Variants in ELP3 observed in about 807,000 individuals in gnomAD.
ELP3 encodes the protein elongator complex protein 3.
Under a neutral mutation model 74.9 loss-of-function variants are expected in ELP3, and 56 were observed. The observed-to-expected ratio is 0.75, with a 90% CI of 0.60 to 0.93. The LOEUF (loss-of-function observed/expected upper bound fraction) is 0.93. ELP3 is among the 40% of genes least tolerant of loss of function. ELP3 has a pLI of 0.00. For missense variants in ELP3, 573 were observed against 686.5 expected, an observed-to-expected ratio of 0.83 and a Z score of 1.85; for synonymous variants, 222 against 239.8, an observed-to-expected ratio of 0.93 and a Z score of 0.68.
intron 14 of ELP3, among the ~76,000 whole-genome samples, chr8:28,166,093 A>G (rs1319647829): frequency 6.6e-6 from 1 of 152,204 alleles, no homozygotes; most frequent in African/African-American, 2.4e-5. Context: ...GTTCAGTTTC[A>G]TCAGCATCAA....
At chr8:28,157,705 G>A (rs1214576465) in intron 11 of ELP3, among the ~76,000 whole-genome samples, 1 of 151,980 alleles carries the variant, frequency 6.6e-6, no homozygotes, top group Non-Finnish European at 1.5e-5. Flanking sequence ...TTCTATGGGG[G>A]GGAAATATAC....
At chr8:28,142,786 T>G (rs1813294803) in intron 10 of ELP3, among the ~76,000 whole-genome samples, 1 of 152,214 alleles carries the variant, frequency 6.6e-6, no homozygotes, top group Admixed American at 6.5e-5. Flanking sequence ...TATTTTCCAT[T>G]TTGTTTTCTT....
At chr8:28,183,601 T>A (rs1815109172) in intron 14 of ELP3, among the ~76,000 whole-genome samples, 1 of 152,104 alleles carries the variant, frequency 6.6e-6, no homozygotes, top group Admixed American at 6.5e-5. Context: ...CTTTTTGCAT[T>A]TTTAGTAGAG....
chr8:28,104,681 G>A (rs933436980), intron 3 of ELP3, among the ~76,000 whole-genome samples: 42 of 152,168 alleles, frequency 2.8e-4, no homozygotes, highest in African/African-American at 8.9e-4. Context: ...TCTTTGGCCC[G>A]TGCCTCATAG....
intron 8 of ELP3, among the ~76,000 whole-genome samples, chr8:28,131,680 G>A (rs1461602273): frequency 6.6e-6 from 1 of 152,192 alleles, no homozygotes; most frequent in Non-Finnish European, 1.5e-5. Context: ...AGAATGCCAA[G>A]TTAAGATGAT....
At chr8:28,092,530 G>A (rs758996153), upstream of ELP3, among the ~76,000 whole-genome samples, 7 of 152,274 alleles carry the variant, frequency 4.6e-5, no homozygotes, top group East Asian at 3.9e-4. Context: ...GAGCCACTGC[G>A]CCCGGCCCTA....
intron 10 of ELP3, among the ~76,000 whole-genome samples, chr8:28,151,884 G>A (rs999477621): frequency 6.6e-6 from 1 of 152,202 alleles, no homozygotes; most frequent in African/African-American, 2.4e-5. Flanking sequence ...TTTAATGTGA[G>A]GATCTGGCCA....
At chr8:28,116,801 A>C (rs990835956) in intron 7 of ELP3, among the ~76,000 whole-genome samples, 1 of 152,226 alleles carries the variant, frequency 6.6e-6, no homozygotes, top group African/African-American at 2.4e-5. Context: ...TAAATGCTGA[A>C]GTCTTCAAAC....
rs1157790709 is a variant in ELP3, at chr8:28,129,393, A to G, written c.618-109A>G. 6 of 1,153,912 alleles carry G rather than the reference A, an allele frequency of 5.2e-6. No individual in the cohort carries two copies. The African/African-American group carries it at 9.2e-5, about 18-fold the overall frequency. The allele number at this position is 1,153,912 out of a possible 1,614,324, so 71.5% of individuals were successfully genotyped here. On this transcript the variant is annotated intron_variant, in intron 7 of 14. Transcript: ENST00000256398. ...CAGGCAGCCTGGCTCCAGAGCCTAC[A>G]CTCTTTACCACTATCTCATACTAGG...
rs140539102 is a variant in ELP3 at position 28,101,869 on chromosome 8, C to T, written c.258+1903C>T. Reference sequence around the variant, plus strand: ...CCTCCCAAAGTGCTGGGATTACAGACGTGAGCCACTGTGCCTGGCCGACTT... The same window carrying T: ...CCTCCCAAAGTGCTGGGATTACAGATGTGAGCCACTGTGCCTGGCCGACTT... On this transcript the variant is annotated intron_variant, in intron 3 of 14. Coordinates refer to ENST00000256398, the MANE Select transcript of ELP3 (RefSeq NM_018091.6). Among the ~76,000 whole-genome samples, 847 of 152,332 alleles carry T rather than the reference C, an allele frequency of 5.6e-3. 6 individuals carry two copies. The highest frequency in any genetic ancestry group is 0.019 in the African/African-American group (786 of 41,568).
intron 12 of ELP3, 27 bp downstream of exon 12, chr8:28,158,660 C>G (rs1309913286): frequency 1.9e-6 from 3 of 1,587,186 alleles, no homozygotes; most frequent in Admixed American, 1.7e-5. Context: ...CATAGAGGGC[C>G]TAGGTACTGT....
chr8:28,173,100 A>C (rs909609553), intron 14 of ELP3, among the ~76,000 whole-genome samples: 5 of 151,868 alleles, frequency 3.3e-5, no homozygotes, highest in Non-Finnish European at 7.4e-5. Flanking sequence ...TTTTCTTTGT[A>C]GTGTCTTTAT....
intron 14 of ELP3, among the ~76,000 whole-genome samples, chr8:28,173,674 C>G (rs1316251572): frequency 6.7e-6 from 1 of 149,842 alleles, no homozygotes; most frequent in African/African-American, 2.5e-5. Context: ...TTATTGATTT[C>G]AGATATATCT....
chr8:28,155,006 A>T (rs1268409288), intron 10 of ELP3, among the ~76,000 whole-genome samples: 4 of 152,220 alleles, frequency 2.6e-5, no homozygotes, highest in Non-Finnish European at 4.4e-5. Flanking sequence ...TGCTGGAGGA[A>T]TATCTTATTA....
At chr8:28,101,266 A>G (rs1045912164) in intron 3 of ELP3, among the ~76,000 whole-genome samples, 21 of 152,048 alleles carry the variant, frequency 1.4e-4, no homozygotes, top group Non-Finnish European at 2.6e-4. Context: ...TACAAAAAAA[A>G]AAAATTAGCC....
intron 7 of ELP3, among the ~76,000 whole-genome samples, chr8:28,125,784 T>A (rs1014324866): frequency 9.3e-6 from 1 of 107,622 alleles, no homozygotes; most frequent in Admixed American, 1.0e-4. Flanking sequence ...TTTTTTTTTC[T>A]GTATGTCTTA....
chr8:28,098,545 T>TTA (rs1811347395), intron 2 of ELP3, among the ~76,000 whole-genome samples: 1 of 152,220 alleles, frequency 6.6e-6, no homozygotes, highest in Non-Finnish European at 1.5e-5. Context: ...TTTCTACATC[T>TTA]TATATATATT....
chr8:28,186,727 C>T (rs1815254290), intron 14 of ELP3, among the ~76,000 whole-genome samples: 1 of 152,130 alleles, frequency 6.6e-6, no homozygotes, highest in Non-Finnish European at 1.5e-5. Flanking sequence ...CTGCATGTGC[C>T]AGCTCAGGAC....
intron 14 of ELP3, among the ~76,000 whole-genome samples, chr8:28,163,632 AC>A (rs1385887246): frequency 6.7e-6 from 1 of 150,066 alleles, no homozygotes; most frequent in African/African-American, 2.5e-5. Flanking sequence ...TGGTACTGTT[AC>A]CTGTAATTAA....
Sources: gnomAD v4.1 joint callset for allele counts (sites outside exome capture counted in the v4.1 genomes callset) on GRCh38, gnomAD v4.1.1 for gene constraint, MANE v1.5 for transcripts, NCBI Gene and HGNC (gene_info 2026-07-23, HGNC 2026-07-21) for gene names.